Variants in EOGT observed in about 807,000 individuals in gnomAD.
EOGT encodes the protein EGF domain specific O-linked N-acetylglucosamine transferase.
In EOGT, 55 loss-of-function variants were observed where a neutral mutation model predicts 70.5. The ratio of observed to expected loss-of-function variants is 0.78; its 90% confidence interval spans 0.63 to 0.98. The LOEUF (loss-of-function observed/expected upper bound fraction) is 0.98, where lower values mean the gene tolerates loss of function less well. EOGT is among the 50% of genes least tolerant of loss of function. The pLI, the probability that EOGT is intolerant of heterozygous loss-of-function variation, is 0.00. For missense variants in EOGT, 703 were observed against 641.9 expected (o/e 1.10, Z -1.03); for synonymous variants, 246 against 217.1 (o/e 1.13, Z -1.17).
chr3:68,988,234 A>G, intron 13 of EOGT, 61 bp downstream of exon 13: 1 of 1,124,852 alleles, frequency 8.9e-7, no homozygotes. Flanking sequence ...AAAAGGTGGT[A>G]TCGATTTTTA....
Position 68,978,516 on chromosome 3 carries a change from A to G in EOGT, c.1335-81T>C. The stretch of plus-strand genomic sequence containing the variant: ...CAACAACTCTGCGAAAATAAAATGC[A>G]GCTCCCAAATATGTCCTTGCAAAAG... On this transcript the variant is annotated intron_variant, in intron 16 of 17. Transcript: ENST00000383701. 3 of 900,124 alleles carry G rather than the reference A, an allele frequency of 3.3e-6. No individual in the cohort carries two copies. In the South Asian group the frequency reaches 4.9e-5, roughly 15 times the overall value. The allele number at this position is 900,124 out of a possible 1,614,324, so 55.8% of individuals were successfully genotyped here.
At chr3:68,980,737 G>A (rs1040567942) in intron 15 of EOGT, among the ~76,000 whole-genome samples, 1 of 152,202 alleles carries the variant, frequency 6.6e-6, no homozygotes, top group Admixed American at 6.5e-5. Context: ...GTTTCTCCAG[G>A]AATGTGAACT....
chr3:69,004,338 G>A, intron 8 of EOGT, 40 bp downstream of exon 8: 1 of 1,458,524 alleles, frequency 6.9e-7, no homozygotes, highest in Non-Finnish European at 9.6e-7. Flanking sequence ...CGTAAATAAA[G>A]GCAAATATTT....
chr3:69,007,782 T>C lies in EOGT; in HGVS notation c.351A>G (p.Lys117=). The change falls in exon 6 of 18, where the codon AAA becomes AAG. Residue 117 remains lysine (K), a synonymous_variant. Coordinates refer to ENST00000383701, the MANE Select transcript of EOGT (RefSeq NM_001278689.2). The part of the protein sequence containing the change: ...TLESAEDIFW[K]QADFGYARER... ...CTCTGGCATATCCAAAGTCAGCTTG[T>C]TTCCAAAATATGTCCTCAGCTGACT... 1 of 1,613,198 alleles carries C rather than the reference T, an allele frequency of 6.2e-7. No homozygotes were observed. The highest frequency in any genetic ancestry group is 8.5e-7 in the Non-Finnish European group (1 of 1,179,460).
intron 10 of EOGT, among the ~76,000 whole-genome samples, chr3:68,993,066 T>A (rs1267376041): frequency 6.6e-6 from 1 of 152,200 alleles, no homozygotes. Context: ...GCGGCCGCCA[T>A]GAAGGTTTCT....
intron 8 of EOGT, 105 bp downstream of exon 8, chr3:69,004,273 G>T: frequency 1.2e-6 from 1 of 826,450 alleles, no homozygotes; most frequent in Non-Finnish European, 1.9e-6. Context: ...GCCAAATTAT[G>T]TACAAATGAA....
intron 1 of EOGT, 103 bp from the exon 2 acceptor site, chr3:69,012,902 A>C (rs969807501): frequency 1.0e-4 from 15 of 145,996 alleles, no homozygotes; most frequent in Middle Eastern, 3.6e-3. Context: ...GCAGAGAGAG[A>C]GAGCTTGGAA....
intron 9 of EOGT, among the ~76,000 whole-genome samples, chr3:69,000,239 T>G (rs1352942831): frequency 1.3e-5 from 2 of 151,990 alleles, no homozygotes; most frequent in Non-Finnish European, 2.9e-5. Flanking sequence ...GAAAGAAAAG[T>G]AAAATTGGAA....
intron 15 of EOGT, among the ~76,000 whole-genome samples, chr3:68,980,531 C>A (rs77911421): frequency 0.011 from 1,731 of 152,308 alleles, 29 homozygotes; most frequent in East Asian, 0.042. Flanking sequence ...AAGGGTGACA[C>A]TCTGAATAAA....
At chr3:68,978,285 T>A (rs770518240) in intron 17 of EOGT, 48 bp downstream of exon 17, 4 of 1,380,230 alleles carry the variant, frequency 2.9e-6, no homozygotes, top group Non-Finnish European at 4.1e-6. Context: ...TTGGATACTT[T>A]AAACCAATTA....
chr3:68,992,751 T>C (rs1216052769), intron 10 of EOGT, among the ~76,000 whole-genome samples: 1 of 152,256 alleles, frequency 6.6e-6, no homozygotes, highest in Non-Finnish European at 1.5e-5. Context: ...GCCCCGCCCC[T>C]GCAGCAAACT....
intron 6 of EOGT, among the ~76,000 whole-genome samples, chr3:69,006,051 C>G (rs527353728): frequency 6.6e-6 from 1 of 152,228 alleles, no homozygotes; most frequent in South Asian, 2.1e-4. Context: ...TAGAAGCTAC[C>G]CAGTCTATGG....
chr3:68,995,331 T>C (rs779865921), intron 10 of EOGT, among the ~76,000 whole-genome samples: 19 of 152,194 alleles, frequency 1.2e-4, no homozygotes, highest in East Asian at 1.9e-4. Flanking sequence ...TCTGGCAGAA[T>C]TGCCTGTCCT....
chr3:69,008,626 C>A, intron 4 of EOGT, 98 bp from the exon 5 acceptor site: 1 of 782,346 alleles, frequency 1.3e-6, no homozygotes, highest in South Asian at 1.6e-5. Context: ...AGAGCATTCA[C>A]ATTTACATTT....
chr3:68,978,579 G>A (rs986851545), intron 16 of EOGT, 144 bp from the exon 17 acceptor site: 4 of 568,416 alleles, frequency 7.0e-6, no homozygotes, highest in Non-Finnish European at 1.2e-5. Context: ...AAACAAGACT[G>A]AGGAAGAGAA....
chr3:69,011,595 C>CAAAA (rs34778421), intron 3 of EOGT, among the ~76,000 whole-genome samples: 1,804 of 127,500 alleles, frequency 0.014, 38 homozygotes, highest in African/African-American at 0.037. Flanking sequence ...GACTCTGTCT[C>CAAAA]AAAAAAAAAA....
At chr3:68,998,673 G>A (rs1049954861) in intron 9 of EOGT, among the ~76,000 whole-genome samples, 1 of 151,932 alleles carries the variant, frequency 6.6e-6, no homozygotes, top group Non-Finnish European at 1.5e-5. Flanking sequence ...GGCCAACATA[G>A]TGAAATCCCA....
intron 1 of EOGT, 109 bp downstream of exon 1, chr3:69,013,465 C>G (rs1024608290): frequency 1.3e-5 from 2 of 152,362 alleles, no homozygotes; most frequent in African/African-American, 4.8e-5. Flanking sequence ...TATAGCCCTC[C>G]GGGAAGCCGC....
At chr3:69,006,906 C>A (rs919109694) in intron 6 of EOGT, among the ~76,000 whole-genome samples, 3 of 152,106 alleles carry the variant, frequency 2.0e-5, no homozygotes, top group Admixed American at 6.5e-5. Context: ...CTCTGAGGAC[C>A]CTGTTTTCCA....
Sources: allele counts gnomAD v4.1 joint callset (sites outside exome capture counted in the v4.1 genomes callset), GRCh38; gene constraint gnomAD v4.1.1; transcripts MANE v1.5; gene names NCBI Gene and HGNC (gene_info 2026-07-23, HGNC 2026-07-21).